Variants in RELN observed in about 807,000 individuals in gnomAD.
RELN encodes reelin.
A neutral mutation model predicts 427.6 loss-of-function variants in RELN; 108 were observed. That is an observed-to-expected ratio of 0.25 (90% CI 0.22 to 0.30). RELN has a LOEUF of 0.30. Ranked by LOEUF, RELN falls within the 10% of genes least tolerant of loss-of-function variation. The probability of loss-of-function intolerance (pLI) is 1.00; values close to 1 mark genes in which losing one functional copy is unlikely to be tolerated. For missense variants in RELN, 3,715 were observed against 4,302.8 expected (o/e 0.86, Z 3.82); for synonymous variants, 1,524 against 1,513.4 (o/e 1.01, Z -0.16).
At chr7:103,921,332 T>C (rs1795613011) in intron 1 of RELN, among the ~76,000 whole-genome samples, 1 of 152,176 alleles carries the variant, frequency 6.6e-6, no homozygotes, top group Non-Finnish European at 1.5e-5. Context: ...AAACTCCTAT[T>C]TAAACAATCC....
At chr7:103,754,620 T>C (rs377172349) in intron 4 of RELN, among the ~76,000 whole-genome samples, 1 of 149,922 alleles carries the variant, frequency 6.7e-6, no homozygotes, top group African/African-American at 2.5e-5. Flanking sequence ...AAAAAAAACA[T>C]TAAAAATTAG....
At chr7:103,849,742 G>A (rs1455368472) in intron 2 of RELN, among the ~76,000 whole-genome samples, 2 of 152,152 alleles carry the variant, frequency 1.3e-5, no homozygotes, top group Non-Finnish European at 2.9e-5. Flanking sequence ...AGCCCTTGAG[G>A]TAAAGATGGT....
chr7:103,539,325 A>T lies in RELN; in HGVS notation c.6933T>A (p.Ile2311=). ...HFYSPWVIDQ[I]LIGGNISGNT... ...TACCAGAAATATTTCCTCCAATAAGAATCTGAAATGTATTTTTAAAAAATC... is the reference window on the plus strand; with the variant it reads ...TACCAGAAATATTTCCTCCAATAAGTATCTGAAATGTATTTTTAAAAAATC... The change falls in exon 45 of 65, where the codon ATT becomes ATA. Residue 2311 remains isoleucine (I), a splice_region_variant and synonymous_variant. Coordinates refer to ENST00000428762, the MANE Select transcript of RELN (RefSeq NM_005045.4). The T allele has an allele frequency of 6.2e-7, 1 of 1,613,894 alleles. No homozygotes were observed. Among genetic ancestry groups the T allele is most frequent in the Non-Finnish European group, 8.5e-7 (1 of 1,179,786 alleles).
At chr7:103,564,388 A>G (rs1369014554) in intron 34 of RELN, among the ~76,000 whole-genome samples, 1 of 152,212 alleles carries the variant, frequency 6.6e-6, no homozygotes, top group Non-Finnish European at 1.5e-5. Flanking sequence ...AGAAGCAGTG[A>G]GGAAACCGGA....
chr7:103,957,548 T>C (rs562520441), intron 1 of RELN, among the ~76,000 whole-genome samples: 1 of 151,874 alleles, frequency 6.6e-6, no homozygotes, highest in Admixed American at 6.6e-5. Flanking sequence ...CACAGGGAGG[T>C]GAAGTTACTT....
chr7:103,480,661 T>G (rs933733823), intron 63 of RELN, among the ~76,000 whole-genome samples: 2 of 152,342 alleles, frequency 1.3e-5, no homozygotes, highest in East Asian at 1.9e-4. Flanking sequence ...GAAAATAAAT[T>G]CCTTTAACAA....
chr7:103,578,843 C>T (rs1831062383), intron 28 of RELN, among the ~76,000 whole-genome samples: 1 of 152,158 alleles, frequency 6.6e-6, no homozygotes, highest in South Asian at 2.1e-4. Context: ...TGTATTTGTG[C>T]ACATGTTCTA....
chr7:103,495,466 C>T (rs1337953114), intron 57 of RELN, among the ~76,000 whole-genome samples: 1 of 151,474 alleles, frequency 6.6e-6, no homozygotes, highest in African/African-American at 2.4e-5. Flanking sequence ...CCACTGCACC[C>T]GGCCTGCAAT....
At chr7:103,559,062 T>C (rs1277235157) in intron 36 of RELN, among the ~76,000 whole-genome samples, 2 of 152,192 alleles carry the variant, frequency 1.3e-5, no homozygotes, top group African/African-American at 2.4e-5. Context: ...GGTGCTAAGA[T>C]AGACATTTTA....
chr7:103,654,890 A>T (rs2117396755), intron 12 of RELN, among the ~76,000 whole-genome samples: 1 of 152,192 alleles, frequency 6.6e-6, no homozygotes, highest in East Asian at 1.9e-4. Context: ...AGCTAAGATC[A>T]TGTAACTAAC....
intron 3 of RELN, among the ~76,000 whole-genome samples, chr7:103,829,845 G>A (rs1412257656): frequency 3.3e-5 from 5 of 151,662 alleles, no homozygotes; most frequent in Non-Finnish European, 7.4e-5. Flanking sequence ...TTCTTACTAC[G>A]GGATTTTTAA....
intron 63 of RELN, among the ~76,000 whole-genome samples, chr7:103,480,271 A>G (rs73712397): frequency 0.061 from 9,299 of 152,248 alleles, 401 homozygotes; most frequent in East Asian, 0.17. Flanking sequence ...TATAATTAAG[A>G]ATATTTGTGA....
rs1832339693 is a variant in RELN at position 103,626,796 on chromosome 7, T to G, written c.2702+3144A>C. Among the ~76,000 whole-genome samples, 1 of 152,146 alleles carries G rather than the reference T, an allele frequency of 6.6e-6. No individual in the cohort carries two copies. Among genetic ancestry groups the G allele is most frequent in the Non-Finnish European group, 1.5e-5 (1 of 67,994 alleles). On this transcript the variant is annotated intron_variant, in intron 20 of 64. Coordinates refer to ENST00000428762, the MANE Select transcript of RELN (RefSeq NM_005045.4). This position sits in a 1 kb window ranked among gnomAD's most constrained non-coding sequence, Gnocchi z 4.4. The stretch of plus-strand genomic sequence containing the variant: ...TATTAGATGCAATATTTAATAAACT[T>G]CAATTAGAATTTTTCCCTTACTGAT...
In RELN at chr7:103,603,917, GTCT is replaced by G. The variant is rs1213336284; in HGVS notation, c.3146+426_3146+428del. ...CTGATTAAACTATGCCTTTTTTAGA[GTCT>G]TTAGGTATTCAAGTGTGTTCCTCTG... is the stretch of plus-strand genomic sequence containing the variant. On this transcript the variant is annotated intron_variant, in intron 23 of 64. Coordinates refer to ENST00000428762, the MANE Select transcript of RELN (RefSeq NM_005045.4). This position sits in a 1 kb window ranked among gnomAD's most constrained non-coding sequence, Gnocchi z 4.3. Among the ~76,000 whole-genome samples the G allele has an allele frequency of 1.3e-4, 20 of 152,194 alleles. No individual in the cohort carries two copies. Among genetic ancestry groups the G allele is most frequent in the Non-Finnish European group, 2.6e-4 (18 of 68,026 alleles).
intron 16 of RELN, among the ~76,000 whole-genome samples, chr7:103,643,739 T>C (rs914319913): frequency 6.6e-6 from 1 of 152,176 alleles, no homozygotes; most frequent in Non-Finnish European, 1.5e-5. Flanking sequence ...GGGATCCTAT[T>C]TTTAGGTTTC....
intron 5 of RELN, among the ~76,000 whole-genome samples, chr7:103,750,469 T>G (rs1790970139): frequency 6.6e-6 from 1 of 152,206 alleles, no homozygotes; most frequent in Admixed American, 6.5e-5. Flanking sequence ...GGGTATGTCT[T>G]TATTAGCAGC....
chr7:103,947,522 A>G (rs888163271), intron 1 of RELN, among the ~76,000 whole-genome samples: 12 of 152,212 alleles, frequency 7.9e-5, no homozygotes, highest in African/African-American at 2.7e-4. Flanking sequence ...AAGCCAAGGA[A>G]AAAGGCCTGG....
In RELN at chr7:103,561,658, G is replaced by C. The variant is rs747618744; in HGVS notation, c.5403C>G (p.Pro1801=). The C allele has an allele frequency of 2.2e-5, 35 of 1,613,844 alleles. No homozygotes were observed. The highest frequency in any genetic ancestry group is 2.9e-5 in the Non-Finnish European group (34 of 1,179,962). The part of the protein sequence containing the change: ...GPYCVPVVPL[P]SILKDDFNGN... ...CATTGAAATCGTCTTTAAGAATCGA[G>C]GGCAGAGGAACAACAGGAACACAAT... is the stretch of plus-strand genomic sequence containing the variant. Residue 1801 remains proline (P), a synonymous_variant, in exon 36 of 65, where the codon CCC becomes CCG. Transcript: ENST00000428762.
At chr7:103,576,831 C>A (rs1831014097) in intron 28 of RELN, among the ~76,000 whole-genome samples, 1 of 152,206 alleles carries the variant, frequency 6.6e-6, no homozygotes, top group East Asian at 1.9e-4. Context: ...GTGGGCTGGG[C>A]TACTGCCCAG....
Sources: allele counts gnomAD v4.1 joint callset (sites outside exome capture counted in the v4.1 genomes callset), GRCh38; gene constraint gnomAD v4.1.1; non-coding constraint Gnocchi (gnomAD v3.1); transcripts MANE v1.5; gene names NCBI Gene and HGNC (gene_info 2026-07-23, HGNC 2026-07-21).